DOCK2: variants seen among roughly 807,000 people sequenced by gnomAD.
DOCK2 encodes the protein dedicator of cytokinesis 2.
DOCK2 carries 87 observed loss-of-function variants against 248.9 expected under a neutral mutation model. The ratio of observed to expected loss-of-function variants is 0.35; its 90% CI spans 0.29 to 0.42. The LOEUF (loss-of-function observed/expected upper bound fraction) is 0.42. Among genes scored for constraint, DOCK2 ranks in the 10% least tolerant of loss-of-function variants. The pLI is 1.00. For synonymous variants in DOCK2, 805 were observed against 821.6 expected (o/e 0.98, Z 0.35); for missense variants, 1,747 against 2,300.2 (o/e 0.76, Z 4.92).
At chr5:169,902,699 A>C (rs1408127731) in intron 27 of DOCK2, among the ~76,000 whole-genome samples, 1 of 152,106 alleles carries the variant, frequency 6.6e-6, no homozygotes, top group Admixed American at 6.5e-5. Context: ...TTTTCCTCAA[A>C]TCCTTCTGAG....
Position 169,818,879 on chromosome 5 carries a change from T to C in DOCK2, c.2703+15673T>C, listed in dbSNP as rs537450114. Among the ~76,000 whole-genome samples, 11 of 152,216 alleles carry C rather than the reference T, an allele frequency of 7.2e-5. 1 individual carries two copies. The East Asian group carries it at 1.9e-3, about 27-fold the overall frequency. Reference sequence around the variant, plus strand: ...ATGCTCAATGTTCTGGGGGGCAGAGTCCAAAGGTTGAATTTATTTGAATTC... The same window carrying C: ...ATGCTCAATGTTCTGGGGGGCAGAGCCCAAAGGTTGAATTTATTTGAATTC... On this transcript the variant is annotated intron_variant, in intron 26 of 51. Transcript: ENST00000520908.
chr5:170,052,089 G>A (rs1756937448), intron 41 of DOCK2, among the ~76,000 whole-genome samples: 1 of 152,190 alleles, frequency 6.6e-6, no homozygotes, highest in African/African-American at 2.4e-5. Context: ...GCACCGTTTA[G>A]CACAAATTAA....
At chr5:169,646,986 G>T (rs561806380) in intron 1 of DOCK2, among the ~76,000 whole-genome samples, 1 of 152,306 alleles carries the variant, frequency 6.6e-6, no homozygotes, top group South Asian at 2.1e-4. Context: ...AAACAGTTCG[G>T]GAAGCTTACA....
At chr5:169,874,951 C>T (rs1280486199) in intron 27 of DOCK2, among the ~76,000 whole-genome samples, 1 of 152,062 alleles carries the variant, frequency 6.6e-6, no homozygotes, top group Admixed American at 6.5e-5. Flanking sequence ...TTCCTTCCCT[C>T]GCCCTTGCCT....
At chr5:169,978,398 G>GGT (rs1777806562) in intron 27 of DOCK2, among the ~76,000 whole-genome samples, 1 of 141,124 alleles carries the variant, frequency 7.1e-6, no homozygotes, top group Non-Finnish European at 1.6e-5. Context: ...TGTGTGGGGG[G>GGT]GGGGGGGTGT....
chr5:170,076,006 A>C lies in DOCK2; in HGVS notation c.4788A>C (p.Arg1596=), dbSNP rs777073396. The change falls in exon 47 of 52, where the codon CGA becomes CGC. Residue 1596 remains arginine, a synonymous_variant. Transcript: ENST00000520908. The stretch of plus-strand genomic sequence containing the variant: ...AGAAAAGGGTGTCAGATAACTTGCG[A>C]CCCTTCCATGACCGGATGGAGGAAT... ...IHEKRVSDNL[R]PFHDRMEECF... is the part of the protein sequence containing the mutation. The C allele has an allele frequency of 6.2e-7, 1 of 1,613,870 alleles. No individual in the cohort carries two copies. Among genetic ancestry groups the C allele is most frequent in the Non-Finnish European group, 8.5e-7 (1 of 1,179,982 alleles).
chr5:169,834,585 C>T (rs13187270), intron 26 of DOCK2, among the ~76,000 whole-genome samples: 6,958 of 68,556 alleles, frequency 0.1, 102 homozygotes, highest in Admixed American at 0.15. Context: ...ACAAGCCCTA[C>T]TCACATGCTC....
intron 19 of DOCK2, among the ~76,000 whole-genome samples, chr5:169,715,894 C>A (rs1761882047): frequency 6.6e-6 from 1 of 152,138 alleles, no homozygotes; most frequent in South Asian, 2.1e-4. Context: ...ACTTTCTGTG[C>A]CTGATGTATT....
chr5:169,970,919 G>A (rs1346674830), intron 27 of DOCK2, among the ~76,000 whole-genome samples: 2 of 151,810 alleles, frequency 1.3e-5, no homozygotes, highest in Non-Finnish European at 2.9e-5. Flanking sequence ...GGAGCTGGGT[G>A]CAGGAAGAAA....
intron 26 of DOCK2, among the ~76,000 whole-genome samples, chr5:169,810,979 T>TCA (rs1462836121): frequency 5.1e-5 from 7 of 136,298 alleles, no homozygotes; most frequent in African/African-American, 1.6e-4. Context: ...AGACTCTCTC[T>TCA]CTCTCTCTCT....
intron 14 of DOCK2, chr5:169,702,697 G>GTATGTATGTATGTATGTATT (rs149069079): frequency 4.9e-6 from 1 of 205,430 alleles, no homozygotes; most frequent in East Asian, 1.3e-4. Context: ...ATGTATGTAT[G>GTATGTATGTATGTATGTATT]TATTTATTTA....
At chr5:169,778,739 T>C (rs1176295780) in intron 25 of DOCK2, among the ~76,000 whole-genome samples, 3 of 152,188 alleles carry the variant, frequency 2.0e-5, no homozygotes, top group African/African-American at 7.2e-5. Context: ...TGCCCAGAGA[T>C]AGTCAAATTC....
At position 169,978,375 on chromosome 5, in the gene DOCK2, A is replaced by ATG. The variant is rs70979152; in HGVS notation, c.2800-4676_2800-4675dup. Among the ~76,000 whole-genome samples the ATG allele has an allele frequency of 4.5e-3, 116 of 25,768 alleles. 3 individuals carry two copies. Among genetic ancestry groups the ATG allele is most frequent in the African/African-American group, 7.8e-3 (56 of 7,206 alleles). The allele number at this position is 25,768 out of a possible 152,430, so 16.9% of individuals were successfully genotyped here. A position where few individuals can be genotyped will look rare whatever the true frequency, so the allele number is the denominator to read the frequency against. ...CACTGCAGGGGTCCTGGCTCTGTGT[A>ATG]TGTGTGTGTGTGTGTGTGGGGGGGG... On this transcript the variant is annotated intron_variant, in intron 27 of 51. Transcript: ENST00000520908.
intron 27 of DOCK2, among the ~76,000 whole-genome samples, chr5:169,968,018 T>G (rs1446225376): frequency 1.3e-5 from 2 of 152,176 alleles, no homozygotes; most frequent in African/African-American, 2.4e-5. Context: ...TAATATGAGC[T>G]GCCCATGAGG....
At chr5:169,713,933 C>T (rs990187202) in intron 17 of DOCK2, 95 bp from the exon 18 acceptor site, 7 of 1,381,796 alleles carry the variant, frequency 5.1e-6, no homozygotes, top group Non-Finnish European at 6.8e-6. Flanking sequence ...TTATGACTCT[C>T]CCCACTTCAC....
intron 9 of DOCK2, among the ~76,000 whole-genome samples, chr5:169,692,103 C>T (rs1371232890): frequency 6.6e-6 from 1 of 152,134 alleles, no homozygotes; most frequent in Non-Finnish European, 1.5e-5. Context: ...ATCCACCCAC[C>T]TCAGCCTCCC....
chr5:169,783,364 T>A (rs13175908), intron 25 of DOCK2, among the ~76,000 whole-genome samples: 19,669 of 152,222 alleles, frequency 0.13, 1,613 homozygotes, highest in Non-Finnish European at 0.18. Flanking sequence ...GTTTTCCATT[T>A]GGTTTCATAG....
chr5:169,718,221 G>A (rs1299046681), intron 21 of DOCK2, among the ~76,000 whole-genome samples: 2 of 152,140 alleles, frequency 1.3e-5, no homozygotes, highest in East Asian at 1.9e-4. Flanking sequence ...AAGGGGCCTT[G>A]AAAGTCAGGC....
intron 23 of DOCK2, among the ~76,000 whole-genome samples, chr5:169,749,226 G>A (rs1028364867): frequency 3.3e-5 from 5 of 152,134 alleles, no homozygotes; most frequent in Admixed American, 6.5e-5. Flanking sequence ...GCTAAATTTG[G>A]CCCTTAGAGC....
Sources: gnomAD v4.1 joint callset for allele counts (sites outside exome capture counted in the v4.1 genomes callset) on GRCh38, gnomAD v4.1.1 for gene constraint, MANE v1.5 for transcripts, NCBI Gene and HGNC (gene_info 2026-07-23, HGNC 2026-07-21) for gene names.